The following NUP62CL variants were observed in gnomAD, a reference collection of about 807,000 sequenced individuals.
The protein encoded by NUP62CL is nucleoporin 62 C-terminal like, also known as nucleoporin-62 C-terminal-like protein.
Under a neutral mutation model 15.3 loss-of-function variants are expected in NUP62CL, and 13 were observed. The observed-to-expected ratio is 0.85, with a 90% confidence interval of 0.55 to 1.35. The LOEUF is 1.35. Ranked by LOEUF, NUP62CL falls within the 40% of genes most tolerant of loss-of-function variation. The probability of loss-of-function intolerance (pLI) is 0.00; values close to 1 mark genes in which losing one functional copy is unlikely to be tolerated. For synonymous variants in NUP62CL, 54 were observed against 49.2 expected (o/e 1.10, Z -0.41); for missense variants, 123 against 130.6 (o/e 0.94, Z 0.28).
chrX:107,191,550 A>T (rs1309995641), intron 2 of NUP62CL, among the ~76,000 whole-genome samples: 2 of 110,096 alleles, frequency 1.8e-5, no homozygotes, highest in African/African-American at 3.3e-5. Context: ...TCTACTAAAA[A>T]TACAAAAATT....
chrX:107,169,540 A>G (rs1400490926), intron 3 of NUP62CL, among the ~76,000 whole-genome samples: 1 of 112,109 alleles, frequency 8.9e-6, no homozygotes, highest in Non-Finnish European at 1.9e-5. Context: ...TTGTGAGGGT[A>G]AAATGTGCAC....
chrX:107,145,197 A>C, intron 8 of NUP62CL, among the ~76,000 whole-genome samples: 1 of 111,542 alleles, frequency 9.0e-6, no homozygotes, highest in Non-Finnish European at 1.9e-5. Flanking sequence ...GAATGATGAT[A>C]TAGGTATGTC....
chrX:107,150,815 C>T, intron 7 of NUP62CL: 1 of 335,443 alleles, frequency 3.0e-6, no homozygotes, highest in Non-Finnish European at 6.0e-6. Context: ...TAATTTCATA[C>T]TAAATCTTGG....
At chrX:107,188,844 A>G (rs899972765) in intron 2 of NUP62CL, among the ~76,000 whole-genome samples, 1 of 111,960 alleles carries the variant, frequency 8.9e-6, no homozygotes, top group Non-Finnish European at 1.9e-5. Flanking sequence ...AATATCATGT[A>G]CAATCTCTAA....
intron 3 of NUP62CL, among the ~76,000 whole-genome samples, chrX:107,174,022 CTTT>C (rs1262511381): frequency 9.6e-6 from 1 of 104,622 alleles, no homozygotes; most frequent in Non-Finnish European, 2.0e-5. Context: ...ATTTTCTTTT[CTTT>C]TTTTTCTTTC....
At chrX:107,155,322 C>T (rs1477995605) in intron 4 of NUP62CL, among the ~76,000 whole-genome samples, 3 of 112,377 alleles carry the variant, frequency 2.7e-5, no homozygotes, top group Non-Finnish European at 5.6e-5. Flanking sequence ...GCTTCTTCTT[C>T]CCTCCCCTTG....
intron 4 of NUP62CL, among the ~76,000 whole-genome samples, chrX:107,161,831 GA>G (rs202175777): frequency 1.1e-4 from 10 of 91,113 alleles, no homozygotes; most frequent in South Asian, 1.1e-3. Context: ...TAAAAAAAAT[GA>G]AAAAAAAATT....
At chrX:107,175,546 T>A (rs1168738830) in intron 2 of NUP62CL, among the ~76,000 whole-genome samples, 3 of 111,988 alleles carry the variant, frequency 2.7e-5, no homozygotes, top group Non-Finnish European at 3.8e-5. Context: ...AAAAGTTACT[T>A]TTTTTTCTTT....
chrX:107,202,974 C>CAAA (rs1172117650), intron 1 of NUP62CL, among the ~76,000 whole-genome samples: 1 of 54,263 alleles, frequency 1.8e-5, no homozygotes, highest in Non-Finnish European at 3.5e-5. Flanking sequence ...CAGACCGTCT[C>CAAA]AAAAAAAAAA....
chrX:107,145,750 C>G (rs1216211893), intron 8 of NUP62CL, among the ~76,000 whole-genome samples: 1 of 111,594 alleles, frequency 9.0e-6, no homozygotes, highest in African/African-American at 3.2e-5. Context: ...AGTACCTAAT[C>G]AAGGGTAACA....
intron 4 of NUP62CL, among the ~76,000 whole-genome samples, chrX:107,163,426 C>T (rs1195300496): frequency 9.0e-6 from 1 of 111,128 alleles, no homozygotes; most frequent in South Asian, 3.8e-4. Context: ...AAACAACTGA[C>T]AGCAGGGTAA....
chrX:107,205,232 C>T (rs950237498), intron 1 of NUP62CL, among the ~76,000 whole-genome samples: 2 of 111,386 alleles, frequency 1.8e-5, no homozygotes, highest in African/African-American at 3.3e-5. Context: ...TAGAATAATG[C>T]ACAGTGAGGC....
chrX:107,147,321 G>A (rs1602641031), intron 8 of NUP62CL, among the ~76,000 whole-genome samples: 1 of 111,303 alleles, frequency 9.0e-6, no homozygotes, highest in Admixed American at 9.6e-5. Flanking sequence ...TGAACTGGGC[G>A]ATTGTTATAA....
At chrX:107,191,476 G>A (rs1448869805) in intron 2 of NUP62CL, among the ~76,000 whole-genome samples, 1 of 110,258 alleles carries the variant, frequency 9.1e-6, no homozygotes, top group Non-Finnish European at 1.9e-5. Flanking sequence ...TTGGGAGGCC[G>A]AGGCAGGTGG....
At chrX:107,185,774 T>C (rs1927045736) in intron 2 of NUP62CL, among the ~76,000 whole-genome samples, 1 of 111,504 alleles carries the variant, frequency 9.0e-6, no homozygotes, top group African/African-American at 3.3e-5. Flanking sequence ...TACATACCAA[T>C]TAAAAATTGG....
chrX:107,161,367 G>A (rs1467779767), intron 4 of NUP62CL, among the ~76,000 whole-genome samples: 17 of 97,556 alleles, frequency 1.7e-4, no homozygotes, highest in African/African-American at 6.1e-4. Context: ...CAATAGCAAA[G>A]ACTTGGAACC....
intron 8 of NUP62CL, chrX:107,131,737 T>C (rs879214760): frequency 2.3e-6 from 2 of 860,928 alleles, no homozygotes; most frequent in Admixed American, 4.4e-5. Flanking sequence ...ATTCAGACTT[T>C]CTCTCAAATG....
chrX:107,157,329 G>C (rs1388082877), intron 4 of NUP62CL, among the ~76,000 whole-genome samples: 1 of 104,400 alleles, frequency 9.6e-6, no homozygotes, highest in Non-Finnish European at 1.9e-5. Flanking sequence ...ATAATTGTCA[G>C]ATTCACCAAA....
chrX:107,197,368 A>G (rs1376977158), intron 1 of NUP62CL, among the ~76,000 whole-genome samples: 5 of 110,913 alleles, frequency 4.5e-5, no homozygotes, highest in Middle Eastern at 4.2e-3. Flanking sequence ...CCCTATGCAT[A>G]TCATTACTTT....
Sources: gnomAD v4.1 joint callset for allele counts (sites outside exome capture counted in the v4.1 genomes callset) on GRCh38, gnomAD v4.1.1 for gene constraint, MANE v1.5 for transcripts, NCBI Gene and HGNC (gene_info 2026-07-23, HGNC 2026-07-21) for gene names.